The following CCNI variants were observed in gnomAD, a reference collection of about 807,000 sequenced individuals.
CCNI encodes cyclin-I.
A neutral mutation model predicts 34.1 loss-of-function variants in CCNI; 14 were observed. The ratio of observed to expected loss-of-function variants is 0.41; its 90% CI spans 0.27 to 0.64. The LOEUF is 0.64. Among genes scored for constraint, CCNI ranks in the 30% least tolerant of loss-of-function variants. The pLI, the probability that CCNI is intolerant of heterozygous loss-of-function variation, is 0.31. For synonymous variants in CCNI, 154 were observed against 158.4 expected (o/e 0.97, Z 0.21); for missense variants, 385 against 440.5 (o/e 0.87, Z 1.13).
intron 6 of CCNI, among the ~76,000 whole-genome samples, chr4:77,049,863 A>AT (rs1727711696): frequency 6.6e-6 from 1 of 152,148 alleles, no homozygotes; most frequent in Admixed American, 6.5e-5. Flanking sequence ...AGGCCTTTAA[A>AT]TTATTACCTG....
rs183550506 is a variant in CCNI at position 77,072,599 on chromosome 4, C to T, written c.-44+2873G>A. Among the ~76,000 whole-genome samples, 209 of 146,766 alleles carry T rather than the reference C, an allele frequency of 1.4e-3. 1 individual carries two copies. Among genetic ancestry groups the T allele is most frequent in the Non-Finnish European group, 1.3e-3 (90 of 67,004 alleles). ...CTGCAGTCAGCTATGATTACAGCAC[C>T]TCACTCCAGCCTGGGTAACAAAGTG... On this transcript the variant is annotated intron_variant, in intron 1 of 6. Coordinates refer to ENST00000237654, the MANE Select transcript of CCNI (RefSeq NM_006835.3).
chr4:77,073,757 G>C (rs572770438), intron 1 of CCNI, among the ~76,000 whole-genome samples: 1 of 152,144 alleles, frequency 6.6e-6, no homozygotes, highest in African/African-American at 2.4e-5. Context: ...ATCTGTACTT[G>C]GACATAATTC....
chr4:77,057,416 A>T (rs1728318707), intron 3 of CCNI, among the ~76,000 whole-genome samples: 1 of 152,180 alleles, frequency 6.6e-6, no homozygotes, highest in Middle Eastern at 3.2e-3. Flanking sequence ...GGGTCCTGTC[A>T]TGTTTAGTAA....
intron 6 of CCNI, among the ~76,000 whole-genome samples, chr4:77,051,240 C>T (rs1458642092): frequency 2.6e-5 from 4 of 152,188 alleles, no homozygotes; most frequent in African/African-American, 9.7e-5. Context: ...GGAGAGCCAA[C>T]TGTACCTCGT....
intron 1 of CCNI, chr4:77,075,058 A>G (rs938348766): frequency 2.0e-5 from 3 of 149,266 alleles, no homozygotes; most frequent in African/African-American, 7.4e-5. Context: ...CTGCCGTGCA[A>G]AGTTAGTAAT....
rs4252920 is a variant in CCNI at position 77,052,475 on chromosome 4, A to C, written c.690+2675T>G. ...CAGAATGGTGACCAACAGGTGGCGC[A>C]AGAGCTTAAGGGGGTGTAGTGGGAG... On this transcript the variant is annotated intron_variant, in intron 6 of 6. Transcript: ENST00000237654. 1.7e-3 allele frequency among the ~76,000 whole-genome samples: 265 copies of C among 152,270 alleles called. 1 individual carries two copies. The highest frequency in any genetic ancestry group is 6.0e-3 in the African/African-American group (251 of 41,554).
chr4:77,065,586 T>C (rs1473887219), intron 2 of CCNI, among the ~76,000 whole-genome samples: 3 of 152,214 alleles, frequency 2.0e-5, no homozygotes, highest in Non-Finnish European at 4.4e-5. Flanking sequence ...AGGTTTTTAG[T>C]TGACTAAAGA....
At chr4:77,072,544 G>A (rs997563222) in intron 1 of CCNI, among the ~76,000 whole-genome samples, 2 of 150,722 alleles carry the variant, frequency 1.3e-5, no homozygotes, top group African/African-American at 2.4e-5. Flanking sequence ...GACTCAGGTG[G>A]GAGGATTACG....
chr4:77,051,946 G>GT (rs1193118771), intron 6 of CCNI, among the ~76,000 whole-genome samples: 41 of 144,540 alleles, frequency 2.8e-4, no homozygotes, highest in South Asian at 1.4e-3. Context: ...GGAGGGGTCT[G>GT]TTTTTTTGTT....
chr4:77,067,099 G>A (rs1160048287), intron 1 of CCNI, among the ~76,000 whole-genome samples: 1 of 152,148 alleles, frequency 6.6e-6, no homozygotes, highest in Non-Finnish European at 1.5e-5. Context: ...GGGCATGGTG[G>A]TGGGCGCCTG....
chr4:77,066,063 A>C, intron 2 of CCNI, 186 bp downstream of exon 2: 2 of 535,220 alleles, frequency 3.7e-6, no homozygotes, highest in Non-Finnish European at 6.6e-6. Flanking sequence ...ATCATGCCAC[A>C]GCACTCCAGA....
At chr4:77,054,465 T>A (rs951459494) in intron 6 of CCNI, among the ~76,000 whole-genome samples, 1 of 152,196 alleles carries the variant, frequency 6.6e-6, no homozygotes, top group African/African-American at 2.4e-5. Context: ...TAAGTTCTAT[T>A]TGGTGACATG....
chr4:77,063,098 A>C (rs532183038), intron 2 of CCNI, among the ~76,000 whole-genome samples: 1 of 152,104 alleles, frequency 6.6e-6, no homozygotes, highest in Non-Finnish European at 1.5e-5. Context: ...AAACACATAG[A>C]AGGTGAGTGA....
chr4:77,070,200 TAG>T (rs1373115950), intron 1 of CCNI, among the ~76,000 whole-genome samples: 1 of 151,982 alleles, frequency 6.6e-6, no homozygotes, highest in Non-Finnish European at 1.5e-5. Context: ...GTATTTTTAG[TAG>T]AGGCAGGTTT....
chr4:77,062,265 C>G (rs765269249), intron 2 of CCNI, among the ~76,000 whole-genome samples: 13 of 152,178 alleles, frequency 8.5e-5, no homozygotes, highest in Non-Finnish European at 1.5e-4. Context: ...GTTAAACGTT[C>G]AACATTTTTT....
intron 1 of CCNI, among the ~76,000 whole-genome samples, chr4:77,074,037 C>G (rs1376312509): frequency 2.0e-5 from 3 of 152,110 alleles, no homozygotes; most frequent in Non-Finnish European, 2.9e-5. Context: ...ACCCCCATTT[C>G]AGCCATAAAG....
chr4:77,075,237 C>T (rs4252769), intron 1 of CCNI: 1 of 152,202 alleles, frequency 6.6e-6, no homozygotes, highest in Non-Finnish European at 1.5e-5. Context: ...CGAAAAGGAA[C>T]ACAGTAGTGC....
chr4:77,049,160 A>T (rs1048073302), intron 6 of CCNI, among the ~76,000 whole-genome samples: 9 of 152,048 alleles, frequency 5.9e-5, no homozygotes, highest in African/African-American at 2.2e-4. Context: ...TAAGAATTTT[A>T]AAATAGTAAA....
intron 2 of CCNI, 147 bp from the exon 3 acceptor site, chr4:77,058,782 C>A: frequency 1.6e-6 from 1 of 625,580 alleles, no homozygotes; most frequent in Non-Finnish European, 2.7e-6. Context: ...AGACTTGAGA[C>A]ACATGAAATA....
Sources: gnomAD v4.1 joint callset for allele counts (sites outside exome capture counted in the v4.1 genomes callset) on GRCh38, gnomAD v4.1.1 for gene constraint, MANE v1.5 for transcripts, NCBI Gene and HGNC (gene_info 2026-07-23, HGNC 2026-07-21) for gene names.